Variants in PLEKHG7 observed in about 807,000 individuals in gnomAD.
PLEKHG7 encodes the protein pleckstrin homology and RhoGEF domain containing G7, also known as pleckstrin homology domain-containing family G member 7.
Under a neutral mutation model 85.2 loss-of-function variants are expected in PLEKHG7, and 77 were observed. The observed-to-expected ratio is 0.90, with a 90% CI of 0.75 to 1.09. PLEKHG7 has a LOEUF of 1.09. Among genes scored for constraint, PLEKHG7 ranks in the 50% least tolerant of loss-of-function variants. The probability of loss-of-function intolerance (pLI) is 0.00; values close to 1 mark genes in which losing one functional copy is unlikely to be tolerated. For synonymous variants in PLEKHG7, 301 were observed against 302.4 expected, an observed-to-expected ratio of 1.00 and a Z score of 0.05; for missense variants, 777 against 804.3, an observed-to-expected ratio of 0.97 and a Z score of 0.41.
chr12:92,753,884 A>G (rs1872754623), intron 10 of PLEKHG7, among the ~76,000 whole-genome samples: 2 of 152,230 alleles, frequency 1.3e-5, no homozygotes, highest in African/African-American at 4.8e-5. Context: ...GCTGGAACCC[A>G]CCTATTACTA....
chr12:92,730,544 A>G (rs1052742627), intron 4 of PLEKHG7, among the ~76,000 whole-genome samples: 2 of 152,208 alleles, frequency 1.3e-5, no homozygotes, highest in Middle Eastern at 3.4e-3. Flanking sequence ...TTGTTGTTTG[A>G]GACAGAGTCT....
chr12:92,722,592 C>T (rs1871678973), intron 3 of PLEKHG7, among the ~76,000 whole-genome samples: 1 of 152,164 alleles, frequency 6.6e-6, no homozygotes. Context: ...GCAAATTCAA[C>T]TCCAAATTTG....
rs144360794 is a variant in PLEKHG7, at chr12:92,738,797, C to A, written c.939+1276C>A. On this transcript the variant is annotated intron_variant, in intron 7 of 16. Transcript: ENST00000344636. ...TCTTTGAAATCTATCAAGTGCTATA[C>A]AAATGTCAGTTATTTTCTGTAAGTA... Among the ~76,000 whole-genome samples the A allele has an allele frequency of 1.1e-4, 16 of 152,292 alleles. 1 individual carries two copies. In the East Asian group the frequency reaches 3.1e-3, roughly 29 times the overall value.
intron 3 of PLEKHG7, among the ~76,000 whole-genome samples, chr12:92,722,266 C>T (rs970245741): frequency 1.3e-5 from 2 of 152,190 alleles, no homozygotes; most frequent in East Asian, 3.9e-4. Flanking sequence ...ATCCAGTCCA[C>T]TGCCAGGCAT....
intron 10 of PLEKHG7, among the ~76,000 whole-genome samples, chr12:92,746,806 T>C (rs1489583563): frequency 6.6e-6 from 1 of 152,138 alleles, no homozygotes; most frequent in Non-Finnish European, 1.5e-5. Context: ...GTAAATAGCA[T>C]TAGGAAAACT....
At chr12:92,711,900 A>G (rs1251955873) in intron 3 of PLEKHG7, among the ~76,000 whole-genome samples, 2 of 152,168 alleles carry the variant, frequency 1.3e-5, no homozygotes, top group East Asian at 1.9e-4. Flanking sequence ...AGAGTAACAC[A>G]CCCAAATGAG....
In PLEKHG7 at chr12:92,714,012, T is replaced by C. The variant is rs184375888; in HGVS notation, c.530+6340T>C. ...CATGCCTGTTCTCCAGATTTCTGTT[T>C]ATATAAATTAGAAAACTCAAGCAGT... On this transcript the variant is annotated intron_variant, in intron 3 of 16. Transcript: ENST00000344636. Among the ~76,000 whole-genome samples the C allele has an allele frequency of 1.6e-3, 248 of 152,288 alleles. 3 individuals carry two copies. The highest frequency in any genetic ancestry group is 6.8e-4 in the Non-Finnish European group (46 of 68,026).
intron 15 of PLEKHG7, among the ~76,000 whole-genome samples, chr12:92,767,088 A>C (rs10777450): frequency 0.94 from 142,542 of 152,190 alleles, 66,815 homozygotes; most frequent in South Asian, 0.97. Flanking sequence ...TGGAAAAATT[A>C]ATATGTTTCC....
In PLEKHG7 at chr12:92,764,111, A is replaced by G. The variant is rs368619079; in HGVS notation, c.1787A>G (p.Glu596Gly). The G allele has an allele frequency of 4.4e-4, 712 of 1,613,316 alleles. 10 individuals carry two copies. In the South Asian group the frequency reaches 7.2e-3, roughly 16 times the overall value. The change falls in exon 15 of 17, where the codon GAG (glutamate) becomes GGG (glycine). Residue 596 changes from glutamate to glycine, a missense_variant. Physicochemically the swap from Glu to Gly is moderately conservative, Grantham distance 98. Around this residue, in one of 3 missense-constraint regions of PLEKHG7, gnomAD observed 520 missense variants for 544.0 expected, o/e 0.96. Transcript: ENST00000344636. ...CCTGAGTTGCAAGCAGTAATAAAAGAGGGTGGTTCGTGTACAGTACTCGAT... is the reference window on the plus strand; with the variant it reads ...CCTGAGTTGCAAGCAGTAATAAAAGGGGGTGGTTCGTGTACAGTACTCGAT... ...LTPELQAVIK[E>G]GGSCTVLDQP... is the part of the protein sequence containing the mutation.
At chr12:92,743,075 G>A (rs1253093143) in intron 9 of PLEKHG7, among the ~76,000 whole-genome samples, 1 of 152,192 alleles carries the variant, frequency 6.6e-6, no homozygotes, top group African/African-American at 2.4e-5. Flanking sequence ...AGCCAGGTGA[G>A]AGTCAGTTGT....
chr12:92,748,890 A>G (rs1395613029), intron 10 of PLEKHG7, among the ~76,000 whole-genome samples: 1 of 152,234 alleles, frequency 6.6e-6, no homozygotes, highest in Non-Finnish European at 1.5e-5. Flanking sequence ...AGCCCTTGCT[A>G]TGGCCTAGAC....
intron 14 of PLEKHG7, among the ~76,000 whole-genome samples, chr12:92,763,484 A>G: frequency 6.6e-6 from 1 of 152,146 alleles, no homozygotes; most frequent in South Asian, 2.1e-4. Flanking sequence ...TATGGACATC[A>G]ACCATTATTT....
intron 3 of PLEKHG7, among the ~76,000 whole-genome samples, chr12:92,713,097 C>T (rs1007402326): frequency 3.3e-5 from 5 of 152,174 alleles, no homozygotes; most frequent in African/African-American, 1.2e-4. Context: ...CCACTGCACT[C>T]CAGCCTGGAC....
intron 15 of PLEKHG7, among the ~76,000 whole-genome samples, chr12:92,766,800 A>G (rs1873213760): frequency 6.6e-6 from 1 of 152,254 alleles, no homozygotes; most frequent in African/African-American, 2.4e-5. Flanking sequence ...ACTGCACTCC[A>G]GCCTGGGTGA....
chr12:92,712,861 A>T (rs888564672), intron 3 of PLEKHG7, among the ~76,000 whole-genome samples: 4 of 152,144 alleles, frequency 2.6e-5, no homozygotes, highest in African/African-American at 9.7e-5. Context: ...CCTGAGCTAA[A>T]ACTCCATTAA....
chr12:92,745,413 TC>T, intron 9 of PLEKHG7, 64 bp from the exon 10 acceptor site: 1 of 1,097,918 alleles, frequency 9.1e-7, no homozygotes, highest in Admixed American at 1.8e-5. Context: ...GGAGAAACAC[TC>T]TTTCAGGGCT....
intron 3 of PLEKHG7, among the ~76,000 whole-genome samples, chr12:92,722,738 T>C (rs774981110): frequency 1.3e-5 from 2 of 152,360 alleles, no homozygotes; most frequent in East Asian, 3.9e-4. Flanking sequence ...TGTATATACA[T>C]ACAATTATTC....
At chr12:92,744,971 T>A (rs1872487032) in intron 9 of PLEKHG7, among the ~76,000 whole-genome samples, 1 of 152,220 alleles carries the variant, frequency 6.6e-6, no homozygotes, top group Admixed American at 6.5e-5. Flanking sequence ...CCAGCCAAGA[T>A]GTCCAAAATT....
At chr12:92,765,131 TGA>T (rs1873153951) in intron 15 of PLEKHG7, among the ~76,000 whole-genome samples, 1 of 152,066 alleles carries the variant, frequency 6.6e-6, no homozygotes, top group Non-Finnish European at 1.5e-5. Flanking sequence ...AAAGAGTGAA[TGA>T]ATGAATATAC....
Sources: allele counts gnomAD v4.1 joint callset (sites outside exome capture counted in the v4.1 genomes callset), GRCh38; gene constraint gnomAD v4.1.1; regional missense constraint gnomAD v4.1.1; transcripts MANE v1.5; gene names NCBI Gene and HGNC (gene_info 2026-07-23, HGNC 2026-07-21).